The following FAM149B1 variants were observed in gnomAD, a reference collection of about 807,000 sequenced individuals.
The protein encoded by FAM149B1 is family with sequence similarity 149 member B1.
A neutral mutation model predicts 75.3 loss-of-function variants in FAM149B1; 56 were observed. That is an observed-to-expected ratio of 0.74 (90% confidence interval 0.60 to 0.93). The LOEUF (loss-of-function observed/expected upper bound fraction) is 0.93, where lower values mean the gene tolerates loss of function less well. FAM149B1 is among the 40% of genes least tolerant of loss of function. FAM149B1 has a pLI of 0.00. For synonymous variants in FAM149B1, 259 were observed against 256.1 expected, an observed-to-expected ratio of 1.01 and a Z score of -0.11; for missense variants, 639 against 708.4, an observed-to-expected ratio of 0.90 and a Z score of 1.11.
At chr10:73,237,049 C>G (rs2043838651) in intron 12 of FAM149B1, among the ~76,000 whole-genome samples, 1 of 152,130 alleles carries the variant, frequency 6.6e-6, no homozygotes, top group South Asian at 2.1e-4. Flanking sequence ...CCCTGTGTGT[C>G]TGTGTCCAGG....
chr10:73,212,957 C>G (rs905494981), intron 7 of FAM149B1, among the ~76,000 whole-genome samples: 3 of 152,096 alleles, frequency 2.0e-5, no homozygotes, highest in Non-Finnish European at 2.9e-5. Flanking sequence ...ATCCTGCTAC[C>G]TCAGCCTCCT....
rs1370949274 is a variant in FAM149B1 at position 73,230,706 on chromosome 10, G to C, written c.1127+181G>C. 5.6e-6 allele frequency: 3 copies of C among 537,150 alleles called. No individual in the cohort carries two copies. In the East Asian group the frequency reaches 9.2e-5, roughly 16 times the overall value. 33.3% of individuals were successfully genotyped at this position (537,150 alleles called of 1,614,324 possible). A position where few individuals can be genotyped will look rare whatever the true frequency, so the allele number is the denominator to read the frequency against. On this transcript the variant is annotated intron_variant, in intron 9 of 13. Transcript: ENST00000242505. ...GGGGCTGATAATGTAACTGGAAAGA[G>C]AAGACATACGTGGGTAAAAAAAGAC...
At chr10:73,205,029 G>A (rs2043024860) in intron 5 of FAM149B1, among the ~76,000 whole-genome samples, 1 of 122,926 alleles carries the variant, frequency 8.1e-6, no homozygotes, top group South Asian at 2.7e-4. Context: ...TAGCCAGGAT[G>A]GTCTCAATCT....
At chr10:73,195,508 T>A (rs1564691718) in intron 5 of FAM149B1, among the ~76,000 whole-genome samples, 1 of 152,226 alleles carries the variant, frequency 6.6e-6, no homozygotes, top group Non-Finnish European at 1.5e-5. Flanking sequence ...ATAACTCATA[T>A]TCTGTTATTA....
Position 73,235,201 on chromosome 10 carries a change from T to C in FAM149B1, c.1485T>C (p.His495=), listed in dbSNP as rs150205970. The C allele has an allele frequency of 2.6e-4, 397 of 1,551,680 alleles. 2 individuals are homozygous for C. In the East Asian group the frequency reaches 8.8e-3, roughly 35 times the overall value. The change falls in exon 12 of 14, where the codon CAT becomes CAC. Residue 495 remains histidine, a synonymous_variant. Transcript: ENST00000242505. ...TVGPQRQMKP[H]GDSSRAQSAV... is the part of the protein sequence containing the mutation. Reference sequence around the variant, plus strand: ...TTTTGTCTCCTCTGCAGAAACCCCATGGCGACTCTAGTCGAGCTCAAAGTG... The same window carrying C: ...TTTTGTCTCCTCTGCAGAAACCCCACGGCGACTCTAGTCGAGCTCAAAGTG...
In FAM149B1 at chr10:73,177,886, G is replaced by C; in HGVS notation, c.193G>C (p.Asp65His). ...AAGAGAATCATCTTTTACATCAGCC[G>C]ACACTGGGAATTCACTGTCTGCTTT... The part of the protein sequence containing the change: ...ITRESSFTSA[D>H]TGNSLSAFPS... Residue 65 changes from aspartate to histidine, a missense_variant, in exon 3 of 14, where the codon GAC (aspartate) becomes CAC (histidine). Physicochemically the swap from Asp to His is moderately conservative, Grantham distance 81 (BLOSUM62 -1). Transcript: ENST00000242505. 1 of 1,551,732 alleles carries C rather than the reference G, an allele frequency of 6.4e-7. No homozygotes were observed. Among genetic ancestry groups the C allele is most frequent in the Non-Finnish European group, 8.7e-7 (1 of 1,146,958 alleles).
chr10:73,221,994 C>T (rs2043426801), intron 7 of FAM149B1, among the ~76,000 whole-genome samples: 1 of 151,912 alleles, frequency 6.6e-6, no homozygotes, highest in South Asian at 2.1e-4. Flanking sequence ...TATATATTTT[C>T]CATGTCTCTA....
At chr10:73,213,689 A>T (rs574953716) in intron 7 of FAM149B1, among the ~76,000 whole-genome samples, 1 of 151,970 alleles carries the variant, frequency 6.6e-6, no homozygotes, top group Non-Finnish European at 1.5e-5. Flanking sequence ...CTGTGTGTCT[A>T]TTTTTATACC....
Position 73,192,552 on chromosome 10 carries a change from C to T in FAM149B1, c.283-4C>T. On this transcript the variant is annotated splice_region_variant and splice_polypyrimidine_tract_variant and intron_variant, in intron 3 of 13. Coordinates refer to ENST00000242505, the MANE Select transcript of FAM149B1 (RefSeq NM_173348.2). ...AAATATTTGGGGGGAATATTTTCTT[C>T]TAGGAACTCGATCAAAATGCCACTG... The T allele has an allele frequency of 1.3e-6, 2 of 1,549,514 alleles. No homozygotes were observed.
At chr10:73,214,919 G>A (rs916438751) in intron 7 of FAM149B1, among the ~76,000 whole-genome samples, 10 of 151,962 alleles carry the variant, frequency 6.6e-5, no homozygotes, top group Non-Finnish European at 1.0e-4. Flanking sequence ...GAATCCATCT[G>A]TTTGTTTGTT....
In FAM149B1 at chr10:73,228,756, C is replaced by T. The variant is rs1329951661; in HGVS notation, c.1023+572C>T. Among the ~76,000 whole-genome samples, 3 of 152,200 alleles carry T rather than the reference C, an allele frequency of 2.0e-5. No homozygotes were observed. The East Asian group carries it at 5.8e-4, about 29-fold the overall frequency. On this transcript the variant is annotated intron_variant, in intron 8 of 13. Coordinates refer to ENST00000242505, the MANE Select transcript of FAM149B1 (RefSeq NM_173348.2). ...GGGATTACAGATGTGCACCACCACT[C>T]GGCTGATTTCTGTATTTTTGGTAGA...
chr10:73,230,109 CTCT>C (rs1292684424), intron 8 of FAM149B1, among the ~76,000 whole-genome samples: 2 of 152,116 alleles, frequency 1.3e-5, no homozygotes, highest in South Asian at 2.1e-4. Flanking sequence ...TGTGAGTTTT[CTCT>C]TCTATTTTAA....
At chr10:73,204,511 T>C (rs762212675) in intron 5 of FAM149B1, among the ~76,000 whole-genome samples, 5 of 152,232 alleles carry the variant, frequency 3.3e-5, no homozygotes, top group Non-Finnish European at 7.3e-5. Context: ...AAATTGGTTA[T>C]ATTTAACATT....
intron 1 of FAM149B1, among the ~76,000 whole-genome samples, chr10:73,171,254 G>A (rs953825869): frequency 1.3e-5 from 2 of 151,984 alleles, no homozygotes; most frequent in Non-Finnish European, 2.9e-5. Flanking sequence ...GTTCTTGATT[G>A]TTGATTTGAT....
Position 73,243,347 on chromosome 10 carries a change from T to G in FAM149B1, c.*2328T>G. On this transcript the variant is annotated 3_prime_UTR_variant, in exon 14 of 14. Coordinates refer to ENST00000242505, the MANE Select transcript of FAM149B1 (RefSeq NM_173348.2). Reference sequence around the variant, plus strand: ...TTGCCTTCAAATCCTGCCTGCACCTTGCCTACGATGGCATCAATTTACACC... The same window carrying G: ...TTGCCTTCAAATCCTGCCTGCACCTGGCCTACGATGGCATCAATTTACACC... 1 of 1,603,472 alleles carries G rather than the reference T, an allele frequency of 6.2e-7. No homozygotes were observed. Among genetic ancestry groups the G allele is most frequent in the Non-Finnish European group, 8.5e-7 (1 of 1,176,162 alleles).
chr10:73,182,109 C>T (rs916686359), intron 3 of FAM149B1, among the ~76,000 whole-genome samples: 2 of 151,658 alleles, frequency 1.3e-5, no homozygotes, highest in African/African-American at 4.8e-5. Flanking sequence ...CTTTTTCCAT[C>T]CCTTTATTTT....
At chr10:73,235,063 C>A in intron 11 of FAM149B1, 123 bp downstream of exon 11, 1 of 1,452,618 alleles carries the variant, frequency 6.9e-7, no homozygotes, top group Non-Finnish European at 9.3e-7. Context: ...AAACACAGTG[C>A]TAATTTATGA....
chr10:73,194,689 T>C (rs2042759308), intron 5 of FAM149B1, among the ~76,000 whole-genome samples: 2 of 151,612 alleles, frequency 1.3e-5, no homozygotes, highest in South Asian at 2.1e-4. Context: ...TCTTTTTTTT[T>C]CTCTTGAGAC....
chr10:73,188,503 C>T (rs2042587287), intron 3 of FAM149B1, among the ~76,000 whole-genome samples: 1 of 152,034 alleles, frequency 6.6e-6, no homozygotes, highest in Admixed American at 6.6e-5. Flanking sequence ...TTACATACCT[C>T]ATTAAGAAAT....
Sources: allele counts gnomAD v4.1 joint callset (sites outside exome capture counted in the v4.1 genomes callset), GRCh38; gene constraint gnomAD v4.1.1; transcripts MANE v1.5; gene names NCBI Gene and HGNC (gene_info 2026-07-23, HGNC 2026-07-21).